Variants in TTN observed in about 807,000 individuals in gnomAD.
TTN encodes the protein connectin.
In TTN, 1,525 loss-of-function variants were observed where a neutral mutation model predicts 3,223.0. The ratio of observed to expected loss-of-function variants is 0.47; its 90% CI spans 0.45 to 0.49. The LOEUF (loss-of-function observed/expected upper bound fraction) is 0.49, where lower values mean the gene tolerates loss of function less well. TTN is among the 20% of genes least tolerant of loss of function. The pLI, the probability that TTN is intolerant of heterozygous loss-of-function variation, is 0.00. For synonymous variants in TTN, 14,094 were observed against 15,161.0 expected (o/e 0.93, Z 5.17); for missense variants, 40,786 against 43,424.0 (o/e 0.94, Z 5.40).
chr2:178,696,353 C>T (rs2073709118), intron 113 of TTN, 84 bp from the exon 114 acceptor site: 2 of 1,120,526 alleles, frequency 1.8e-6, no homozygotes, highest in East Asian at 2.7e-5. Flanking sequence ...AGTTAAACAA[C>T]ATCAGTATTT....
At chr2:178,637,169 A>ATATATATC (rs1553749374) in intron 224 of TTN, among the ~76,000 whole-genome samples, 200 bp downstream of exon 224, 2 of 127,564 alleles carry the variant, frequency 1.6e-5, no homozygotes, top group Non-Finnish European at 3.3e-5. Flanking sequence ...ATATATATAT[A>ATATATATC]TATATATATA....
At chr2:178,760,246 T>G (rs1426058122) in intron 43 of TTN, among the ~76,000 whole-genome samples, 1 of 152,152 alleles carries the variant, frequency 6.6e-6, no homozygotes, top group Non-Finnish European at 1.5e-5. Flanking sequence ...GAAGATGAAA[T>G]CCTGGCCAGG....
At position 178,565,568 on chromosome 2, in the gene TTN, G is replaced by C. The variant is rs1705474323; in HGVS notation, c.80564C>G (p.Ala26855Gly). 6.2e-7 allele frequency: 1 copy of C among 1,613,452 alleles called. No individual in the cohort carries two copies. Among genetic ancestry groups the C allele is most frequent in the African/African-American group, 1.3e-5 (1 of 74,862 alleles). Residue 26855 changes from alanine (A) to glycine (G), a missense_variant, in exon 326 of 363, where the codon GCT (alanine) becomes GGT (glycine). By Grantham distance (60) the Ala-to-Gly change is moderately conservative (BLOSUM62 0). Coordinates refer to ENST00000589042, the MANE Select transcript of TTN (RefSeq NM_001267550.2). ...SGQEYQFRVK[A>G]YNEKGKSDPR... The stretch of plus-strand genomic sequence containing the variant: ...ATCGCTTTTTCCTTTCTCATTATAA[G>C]CCTTGACACGGAACTGATATTCTTG...
rs1371436719 is a variant in TTN, at chr2:178,633,064, G to A, written c.43087-20C>T. 6 of 1,607,694 alleles carry A rather than the reference G, an allele frequency of 3.7e-6. 1 individual carries two copies. Among genetic ancestry groups the A allele is most frequent in the Non-Finnish European group, 3.4e-6 (4 of 1,177,396 alleles). On this transcript the variant is annotated intron_variant, in intron 233 of 362. Coordinates refer to ENST00000589042, the MANE Select transcript of TTN (RefSeq NM_001267550.2). ...ACAGTCCTGTTTGGAGTGAGGGTTA[G>A]AAGGAAAGAAAGAACATCATTTATA...
Position 178,711,080 on chromosome 2 carries a change from C to A in TTN, c.28156G>T (p.Ala9386Ser). Reference protein sequence around the residue: ...TNPIGSASSSARLILTEGKNP... With the variant: ...TNPIGSASSSSRLILTEGKNP... ...CACAAACCTGTGAGAATGAGCCTGG[C>A]ACTGGAAGAAGCAGAGCCTATAGGG... is the stretch of plus-strand genomic sequence containing the variant. The change falls in exon 97 of 363, where the codon GCC becomes TCC. Residue 9386 changes from alanine to serine, a missense_variant. Ala to Ser is a moderately conservative substitution (Grantham distance 99). Transcript: ENST00000589042. 6.3e-7 allele frequency: 1 copy of A among 1,593,978 alleles called. No individual in the cohort carries two copies. Among genetic ancestry groups the A allele is most frequent in the South Asian group, 1.1e-5 (1 of 87,398 alleles).
At position 178,636,060 on chromosome 2, in the gene TTN, C is replaced by A; in HGVS notation, c.41511G>T (p.Leu13837=). Residue 13837 remains leucine, a synonymous_variant, in exon 226 of 363, where the codon CTG becomes CTT. Transcript: ENST00000589042. The surrounding 1 kb of genome is among the most constrained non-coding windows in gnomAD (Gnocchi z 4.3). ...CTGTGTCATCTGCATCGTTGATGGT[C>A]AGAGCCCGCATCAAGCCAATGACGC... ...VPGVIGLMRA[L]TINDADDTDA... 6.2e-7 allele frequency: 1 copy of A among 1,613,276 alleles called. No individual in the cohort carries two copies. The highest frequency in any genetic ancestry group is 8.5e-7 in the Non-Finnish European group (1 of 1,179,508).
rs770068370 is a variant in TTN, at chr2:178,599,781, T to G, written c.56120A>C (p.Lys18707Thr). Residue 18707 changes from lysine to threonine, a missense_variant, in exon 289 of 363, where the codon AAA (lysine) becomes ACA (threonine). Transcript: ENST00000589042. ...TGTCGGGAATGGCACACCTTTAATT[T>G]TGGCCACAATGTTAACATTGGTTCC... ...EEGTNVNIVA[K>T]IKGVPFPTLT... is the part of the protein sequence containing the mutation. The G allele has an allele frequency of 8.7e-6, 14 of 1,611,468 alleles. No individual in the cohort carries two copies. In the Admixed American group the frequency reaches 1.5e-4, roughly 17 times the overall value.
intron 46 of TTN, among the ~76,000 whole-genome samples, chr2:178,755,695 C>T (rs1467392452): frequency 1.5e-4 from 23 of 152,118 alleles, no homozygotes; most frequent in East Asian, 1.4e-3. Context: ...CTGGCTGCCT[C>T]GGCCTCCCAA....
rs377335056 is a variant in TTN, at chr2:178,681,105, T to C, written c.33314A>G (p.Glu11105Gly). The C allele has an allele frequency of 6.2e-7, 1 of 1,605,204 alleles. No individual in the cohort carries two copies. The highest frequency in any genetic ancestry group is 8.5e-7 in the Non-Finnish European group (1 of 1,177,338). The change falls in exon 138 of 363, where the codon GAG (glutamate) becomes GGG (glycine). Residue 11105 changes from glutamate to glycine, a missense_variant. By Grantham distance (98) the Glu-to-Gly change is moderately conservative. Transcript: ENST00000589042. ...TTTAGCAGCGGGTTCAGTCACCTGC[T>C]CTTTTTCACGTTTGGTAATTGAAAT... is the stretch of plus-strand genomic sequence containing the variant. ...IRISITKREK[E>G]QVTEPAAKVP...
At position 178,526,701 on chromosome 2, in the gene TTN, A is replaced by T. The variant is rs898313869; in HGVS notation, c.*311T>A. ...AAATGTTGAGCAGGGTATTCGTTCC[A>T]TAAGAAACTTTCTCCTACCAACAGT... On this transcript the variant is annotated 3_prime_UTR_variant, in exon 363 of 363. Coordinates refer to ENST00000589042, the MANE Select transcript of TTN (RefSeq NM_001267550.2). The T allele has an allele frequency of 4.5e-6, 1 of 221,020 alleles. No individual in the cohort carries two copies. The highest frequency in any genetic ancestry group is 5.2e-5 in the Admixed American group (1 of 19,288). The allele number at this position is 221,020 out of a possible 1,614,324, so 13.7% of individuals were successfully genotyped here.
In TTN at chr2:178,531,925, GA is replaced by G; in HGVS notation, c.104689del (p.Ser34897ArgfsTer18). 6.2e-7 allele frequency: 1 copy of G among 1,613,016 alleles called. No individual in the cohort carries two copies. Among genetic ancestry groups the G allele is most frequent in the Non-Finnish European group, 8.5e-7 (1 of 1,179,492 alleles). Reference protein sequence around the residue: ...PSPVSSERSLSRFERSARFDI... With the variant: ...PSPVSSERSLXRFERSARFDI... Reference sequence around the variant, plus strand: ...AAATCTTGCAGACCTCTCAAATCTCGAGAGTGATCTCTCACTAGACACAGGG... The same window carrying G: ...AAATCTTGCAGACCTCTCAAATCTCGGAGTGATCTCTCACTAGACACAGGG... On this transcript the variant is annotated frameshift_variant, in exon 358 of 363. Coordinates refer to ENST00000589042, the MANE Select transcript of TTN (RefSeq NM_001267550.2). LOFTEE classifies it high-confidence loss of function.
At position 178,731,041 on chromosome 2, in the gene TTN, T is replaced by C; in HGVS notation, c.17624A>G (p.Asp5875Gly). The C allele has an allele frequency of 6.2e-7, 1 of 1,613,726 alleles. No individual in the cohort carries two copies. Among genetic ancestry groups the C allele is most frequent in the Non-Finnish European group, 8.5e-7 (1 of 1,179,726 alleles). Reference protein sequence around the residue: ...LGSKYKISVTDTVSILKIIST... With the variant: ...LGSKYKISVTGTVSILKIIST... Reference sequence around the variant, plus strand: ...AATAATCTTCAGTATTGAGACTGTATCAGTGACACTGATTTTATATTTTGA... The same window carrying C: ...AATAATCTTCAGTATTGAGACTGTACCAGTGACACTGATTTTATATTTTGA... Residue 5875 changes from aspartate (D) to glycine (G), a missense_variant, in exon 60 of 363, where the codon GAT (aspartate) becomes GGT (glycine). Coordinates refer to ENST00000589042, the MANE Select transcript of TTN (RefSeq NM_001267550.2).
Position 178,652,586 on chromosome 2 carries a change from A to C in TTN, c.39044-45T>G, listed in dbSNP as rs368134449. The C allele has an allele frequency of 7.4e-6, 12 of 1,612,192 alleles. No individual in the cohort carries two copies. In the African/African-American group the frequency reaches 1.5e-4, roughly 20 times the overall value. On this transcript the variant is annotated intron_variant, in intron 201 of 362. Coordinates refer to ENST00000589042, the MANE Select transcript of TTN (RefSeq NM_001267550.2). ...ATTACATTTAGAAGTTATGAAGACC[A>C]TTAGGAAAAATATTTTCAAGAGTAG...
In TTN at chr2:178,539,742, G is replaced by T; in HGVS notation, c.98323C>A (p.Leu32775Met). 6.2e-7 allele frequency: 1 copy of T among 1,613,742 alleles called. No homozygotes were observed. The stretch of plus-strand genomic sequence containing the variant: ...TTGCCACATTTATTTTCCAGAACCA[G>T]GTCATAAGTGCCAGAATCACCCCTG... ...ADRGDSGTYD[L>M]VLENKCGKKA... Residue 32775 changes from leucine (L) to methionine (M), a missense_variant, in exon 352 of 363, where the codon CTG (leucine) becomes ATG (methionine). Transcript: ENST00000589042.
At chr2:178,580,292 A>G (rs776098885) in intron 317 of TTN, 30 bp downstream of exon 317, 2 of 1,606,302 alleles carry the variant, frequency 1.2e-6, no homozygotes, top group Non-Finnish European at 1.7e-6. Flanking sequence ...ATTTTAAAAT[A>G]TATATGATTC....
Position 178,549,854 on chromosome 2 carries a change from A to G in TTN, c.91868T>C (p.Val30623Ala), listed in dbSNP as rs1194784611. Residue 30623 changes from valine (V) to alanine (A), a missense_variant, in exon 338 of 363, where the codon GTA becomes GCA. Val to Ala is a moderately conservative substitution (Grantham distance 64). Transcript: ENST00000589042. ...KVKVQDTPGK[V>A]VGPIRFTNIT... Reference sequence around the variant, plus strand: ...ATTGGTGAATCTTATTGGCCCAACTACTTTTCCTGGTGTATCTATAAGAAA... The same window carrying G: ...ATTGGTGAATCTTATTGGCCCAACTGCTTTTCCTGGTGTATCTATAAGAAA... The G allele has an allele frequency of 3.8e-6, 6 of 1,570,836 alleles. No individual in the cohort carries two copies. Among genetic ancestry groups the G allele is most frequent in the Middle Eastern group, 1.7e-4 (1 of 5,858 alleles).
Position 178,727,746 on chromosome 2 carries a change from T to C in TTN, c.19832A>G (p.Asp6611Gly). 6.2e-7 allele frequency: 1 copy of C among 1,613,394 alleles called. No homozygotes were observed. Among genetic ancestry groups the C allele is most frequent in the Non-Finnish European group, 8.5e-7 (1 of 1,179,474 alleles). Residue 6611 changes from aspartate to glycine, a missense_variant, in exon 68 of 363, where the codon GAT becomes GGT. Transcript: ENST00000589042. ...TTTAGGACCTGAGACAAGTTCCACA[T>C]CATCCTTAAACCATTTTATTTTAAA... is the stretch of plus-strand genomic sequence containing the variant. ...PPFKIKWFKD[D>G]VELVSGPKCF...
Position 178,529,173 on chromosome 2 carries a change from A to T in TTN, c.106578T>A (p.Ser35526=), listed in dbSNP as rs55838839. The T allele has an allele frequency of 5.1e-4, 780 of 1,541,100 alleles. 4 individuals are homozygous for T. The highest frequency in any genetic ancestry group is 3.0e-3 in the Middle Eastern group (17 of 5,720). The change falls in exon 360 of 363, where the codon TCT becomes TCA. Residue 35526 remains serine (S), a synonymous_variant. Transcript: ENST00000589042. ...CAGCTTTCTTCTGAGGTGTAATTTC[A>T]GAAGTCTTTTGTGTAGAGACTTTCT... The part of the protein sequence containing the change: ...EAQKVSTQKT[S]EITPQKKAVV...
chr2:178,651,630 G>A (rs530570377), intron 206 of TTN, 36 bp downstream of exon 206: 3 of 1,612,490 alleles, frequency 1.9e-6, no homozygotes, highest in African/African-American at 1.3e-5. Context: ...TTCAAAGAAA[G>A]TTTTTTGTTA....
Sources: allele counts gnomAD v4.1 joint callset (sites outside exome capture counted in the v4.1 genomes callset), GRCh38; gene constraint gnomAD v4.1.1; non-coding constraint Gnocchi (gnomAD v3.1); transcripts MANE v1.5; gene names NCBI Gene and HGNC (gene_info 2026-07-23, HGNC 2026-07-21).